Variants in LRRIQ1 observed in about 807,000 individuals in gnomAD.
LRRIQ1 encodes the protein leucine-rich repeat- and IQ domain-containing protein 1.
A neutral mutation model predicts 211.9 loss-of-function variants in LRRIQ1; 210 were observed. The ratio of observed to expected loss-of-function variants is 0.99; its 90% CI spans 0.89 to 1.11. LRRIQ1 has a LOEUF of 1.11. Among genes scored for constraint, LRRIQ1 ranks in the 50% most tolerant of loss-of-function variants. LRRIQ1 has a pLI of 0.00. For synonymous variants in LRRIQ1, 699 were observed against 650.1 expected (o/e 1.08, Z -1.14); for missense variants, 2,136 against 1,939.5 (o/e 1.10, Z -1.90).
At position 85,065,373 on chromosome 12, in the gene LRRIQ1, A is replaced by T; in HGVS notation, c.2503A>T (p.Ser835Cys). ...ACGCTGTGGATTAACTTCTTTGCACAGCCTGAGTAATTGTAAAAAACTTAA... is the reference window on the plus strand; with the variant it reads ...ACGCTGTGGATTAACTTCTTTGCACTGCCTGAGTAATTGTAAAAAACTTAA... ...LRRCGLTSLH[S>C]LSNCKKLKYI... The change falls in exon 9 of 27, where the codon AGC becomes TGC. Residue 835 changes from serine to cysteine, a missense_variant. Coordinates refer to ENST00000393217, the MANE Select transcript of LRRIQ1 (RefSeq NM_001079910.2). 6.2e-7 allele frequency: 1 copy of T among 1,610,336 alleles called. No homozygotes were observed. The highest frequency in any genetic ancestry group is 8.5e-7 in the Non-Finnish European group (1 of 1,177,658).
At chr12:85,128,895 A>T (rs1375313795) in intron 18 of LRRIQ1, among the ~76,000 whole-genome samples, 1 of 152,126 alleles carries the variant, frequency 6.6e-6, no homozygotes, top group Non-Finnish European at 1.5e-5. Context: ...ACATGGATGG[A>T]TTTTCTGCTC....
At chr12:85,184,911 T>C (rs1394595910) in intron 24 of LRRIQ1, among the ~76,000 whole-genome samples, 2 of 151,940 alleles carry the variant, frequency 1.3e-5, no homozygotes, top group East Asian at 3.9e-4. Context: ...TTTTAAAAAG[T>C]AAATATTAAG....
intron 14 of LRRIQ1, among the ~76,000 whole-genome samples, chr12:85,104,882 G>A (rs1001809575): frequency 6.6e-6 from 1 of 151,952 alleles, no homozygotes; most frequent in African/African-American, 2.4e-5. Context: ...AAAGTAGTTG[G>A]AACATTTTAC....
chr12:85,127,963 T>G lies in LRRIQ1; in HGVS notation c.4139T>G (p.Leu1380Ter). 1.2e-6 allele frequency: 2 copies of G among 1,613,786 alleles called. No individual in the cohort carries two copies. Among genetic ancestry groups the G allele is most frequent in the Middle Eastern group, 3.3e-4 (2 of 6,062 alleles). The change falls in exon 18 of 27, where the codon TTA (leucine) becomes TGA (stop). Residue 1380 changes from leucine to a stop codon, truncating the protein, a stop_gained. Transcript: ENST00000393217. LOFTEE classifies it high-confidence loss of function. ...TCTTCCATCAAGAATCAGACTATTT[T>G]AAAGAAAGGAAAAAGAGAAAATATT... ...PNSSIKNQTI[L>*]KKGKRENIVN...
intron 15 of LRRIQ1, among the ~76,000 whole-genome samples, chr12:85,115,269 A>G (rs1565843231): frequency 1.3e-5 from 2 of 152,154 alleles, no homozygotes; most frequent in Non-Finnish European, 2.9e-5. Context: ...TAATATATTC[A>G]TCATAAACTC....
intron 1 of LRRIQ1, among the ~76,000 whole-genome samples, chr12:85,251,716 G>A (rs1202976570): frequency 6.7e-6 from 1 of 149,356 alleles, no homozygotes; most frequent in African/African-American, 2.5e-5. Flanking sequence ...TCCATTAAGA[G>A]AACATTATGG....
chr12:85,186,872 G>A (rs1458220342), intron 24 of LRRIQ1, among the ~76,000 whole-genome samples: 1 of 151,904 alleles, frequency 6.6e-6, no homozygotes, highest in East Asian at 1.9e-4. Flanking sequence ...AGTTGATGTA[G>A]AGAAGTAGCA....
At chr12:85,272,193 A>T in the LRRIQ1 span, among the ~76,000 whole-genome samples, 1 of 152,182 alleles carries the variant, frequency 6.6e-6, no homozygotes, top group Non-Finnish European at 1.5e-5. Context: ...AAAAGCAAAA[A>T]TTAGTAAAGT....
At chr12:85,042,727 A>T (rs1444011328) in intron 3 of LRRIQ1, among the ~76,000 whole-genome samples, 2 of 151,882 alleles carry the variant, frequency 1.3e-5, no homozygotes, top group African/African-American at 4.8e-5. Context: ...TGAAAAAGTG[A>T]AAAACAAATC....
Position 85,102,959 on chromosome 12 carries a change from A to AAT in LRRIQ1, c.3210-1018_3210-1017dup, listed in dbSNP as rs1197049295. 1.6e-3 allele frequency among the ~76,000 whole-genome samples: 175 copies of AAT among 108,442 alleles called. 2 individuals are homozygous for AAT. The highest frequency in any genetic ancestry group is 3.3e-3 in the African/African-American group (80 of 24,024). 71.1% of individuals were successfully genotyped at this position (108,442 alleles called of 152,430 possible). On this transcript the variant is annotated intron_variant, in intron 13 of 26. Transcript: ENST00000393217. ...CTAATTGTGGCAAAAAAAAAAAAAA[A>AAT]ATATATATATATATATATATATATA... is the stretch of plus-strand genomic sequence containing the variant.
chr12:85,140,046 C>T (rs1365699224), intron 19 of LRRIQ1, among the ~76,000 whole-genome samples: 1 of 151,212 alleles, frequency 6.6e-6, no homozygotes, highest in East Asian at 1.9e-4. Flanking sequence ...AACTAGGTAT[C>T]ATGAAAACAA....
Position 85,244,951 on chromosome 12 carries a change from A to G in LRRIQ1, c.*10A>G. On this transcript the variant is annotated 3_prime_UTR_variant, in exon 27 of 27. Coordinates refer to ENST00000393217, the MANE Select transcript of LRRIQ1 (RefSeq NM_001079910.2). ...TTCAAAATTAATTTAGAAATCACAA[A>G]CGAATTGATGGAACCTAATGCCAAC... The G allele has an allele frequency of 6.2e-7, 1 of 1,609,156 alleles. No individual in the cohort carries two copies. The highest frequency in any genetic ancestry group is 1.1e-5 in the South Asian group (1 of 90,688).
chr12:85,249,293 A>G (rs1895830220), downstream of LRRIQ1, among the ~76,000 whole-genome samples: 1 of 151,838 alleles, frequency 6.6e-6, no homozygotes, highest in Non-Finnish European at 1.5e-5. Flanking sequence ...CATTTCAATA[A>G]TATAATTTTA....
intron 1 of LRRIQ1, 143 bp from the exon 2 acceptor site, chr12:85,038,010 A>G (rs1261274351): frequency 4.9e-6 from 2 of 408,684 alleles, no homozygotes; most frequent in Non-Finnish European, 8.1e-6. Flanking sequence ...AAGAGATAAA[A>G]CAATGTTTGG....
In LRRIQ1 at chr12:85,153,734, A is replaced by G. The variant is rs1444971300; in HGVS notation, c.4613A>G (p.Lys1538Arg). The G allele has an allele frequency of 1.3e-6, 2 of 1,571,264 alleles. No individual in the cohort carries two copies. The highest frequency in any genetic ancestry group is 1.7e-6 in the Non-Finnish European group (2 of 1,160,092). ...TSRKSLLKSE[K>R]EKKISEEWGF... is the part of the protein sequence containing the mutation. ...AGAAAGAGTTTGCTAAAATCTGAAA[A>G]AGAAAAAAAAATTTCAGAAGAATGG... The change falls in exon 22 of 27, where the codon AAA (lysine) becomes AGA (arginine). Residue 1538 changes from lysine (K) to arginine (R), a missense_variant. Lys to Arg is a conservative substitution (Grantham distance 26, BLOSUM62 2). Transcript: ENST00000393217.
chr12:85,047,803 C>A (rs555059960), intron 6 of LRRIQ1: 3 of 209,846 alleles, frequency 1.4e-5, no homozygotes, highest in South Asian at 7.8e-5. Flanking sequence ...ATGAAAAATT[C>A]TTGAGTATGC....
intron 24 of LRRIQ1, among the ~76,000 whole-genome samples, chr12:85,197,924 A>G (rs1193922626): frequency 1.7e-5 from 2 of 119,326 alleles, no homozygotes; most frequent in East Asian, 4.2e-4. Context: ...AAAAATATAT[A>G]TAATATAATT....
chr12:85,264,746 T>G (rs1188491703), downstream of LRRIQ1, among the ~76,000 whole-genome samples: 1 of 152,104 alleles, frequency 6.6e-6, no homozygotes, highest in African/African-American at 2.4e-5. Flanking sequence ...CTTCACTTAG[T>G]TGGCACTGAA....
intron 24 of LRRIQ1, among the ~76,000 whole-genome samples, chr12:85,178,960 A>T (rs1891851229): frequency 6.6e-6 from 1 of 151,752 alleles, no homozygotes; most frequent in Non-Finnish European, 1.5e-5. Flanking sequence ...CCTTATGTAA[A>T]TGGGCAAAAC....
Sources: gnomAD v4.1 joint callset for allele counts (sites outside exome capture counted in the v4.1 genomes callset) on GRCh38, gnomAD v4.1.1 for gene constraint, MANE v1.5 for transcripts, NCBI Gene and HGNC (gene_info 2026-07-23, HGNC 2026-07-21) for gene names.